CENPW: variants seen among roughly 807,000 people sequenced by gnomAD.
CENPW encodes the protein centromere protein W.
Under a neutral mutation model 11.1 loss-of-function variants are expected in CENPW, and 3 were observed. The observed-to-expected ratio is 0.27, with a 90% confidence interval of 0.12 to 0.70. The LOEUF is 0.70. CENPW is among the 30% of genes least tolerant of loss of function. The pLI, the probability that CENPW is intolerant of heterozygous loss-of-function variation, is 0.77. For missense variants in CENPW, 100 were observed against 105.6 expected (o/e 0.95, Z 0.23); for synonymous variants, 38 against 42.0 (o/e 0.91, Z 0.37).
chr6:126,351,936 G>A (rs1161692440), downstream of CENPW, among the ~76,000 whole-genome samples: 2 of 151,978 alleles, frequency 1.3e-5, no homozygotes, highest in African/African-American at 4.8e-5. Flanking sequence ...TACTCCCTAG[G>A]TCAGTGGTTT....
chr6:126,360,163 A>C, the CENPW span, among the ~76,000 whole-genome samples: 2 of 152,208 alleles, frequency 1.3e-5, no homozygotes, highest in African/African-American at 4.8e-5. Context: ...GAAGGATTTT[A>C]TTTTTCCTTT....
intron 2 of CENPW, among the ~76,000 whole-genome samples, chr6:126,347,695 T>G (rs1324618885): frequency 6.6e-6 from 1 of 152,084 alleles, no homozygotes; most frequent in East Asian, 1.9e-4. Flanking sequence ...AAAGTCAATG[T>G]AAATATTTTT....
chr6:126,439,134 G>T, the CENPW span, among the ~76,000 whole-genome samples: 1 of 151,616 alleles, frequency 6.6e-6, no homozygotes, highest in Non-Finnish European at 1.5e-5. Context: ...ATCTGATACT[G>T]GCAGTTTTCC....
At chr6:126,391,914 A>G in the CENPW span, among the ~76,000 whole-genome samples, 1 of 151,932 alleles carries the variant, frequency 6.6e-6, no homozygotes, top group African/African-American at 2.4e-5. Context: ...TGATTCCTCC[A>G]GTTTTGTTCT....
chr6:126,348,112 A>G (rs1193624962), intron 2 of CENPW, among the ~76,000 whole-genome samples: 1 of 151,966 alleles, frequency 6.6e-6, no homozygotes, highest in Non-Finnish European at 1.5e-5. Context: ...GGTATTGTTT[A>G]ACTCCTAATT....
At chr6:126,452,786 A>G in the CENPW span, among the ~76,000 whole-genome samples, 1 of 151,100 alleles carries the variant, frequency 6.6e-6, no homozygotes, top group Non-Finnish European at 1.5e-5. Flanking sequence ...AATTTAGGCA[A>G]CCTCAAGCAT....
At chr6:126,344,090 A>G (rs760633618) in intron 1 of CENPW, among the ~76,000 whole-genome samples, 1 of 152,246 alleles carries the variant, frequency 6.6e-6, no homozygotes, top group African/African-American at 2.4e-5. Flanking sequence ...AATAATTATT[A>G]GCTGCCTACT....
chr6:126,347,661 A>T (rs1212519290), intron 2 of CENPW, among the ~76,000 whole-genome samples: 1 of 152,074 alleles, frequency 6.6e-6, no homozygotes, highest in Non-Finnish European at 1.5e-5. Flanking sequence ...AATTATAAAC[A>T]TTCCAACAAA....
At chr6:126,415,854 A>T in the CENPW span, among the ~76,000 whole-genome samples, 2 of 152,220 alleles carry the variant, frequency 1.3e-5, no homozygotes, top group East Asian at 3.8e-4. Flanking sequence ...GAAACTGCCC[A>T]GTCCCAGTTA....
the CENPW span, among the ~76,000 whole-genome samples, chr6:126,396,317 TCCA>T: frequency 1.3e-5 from 2 of 152,018 alleles, no homozygotes; most frequent in African/African-American, 4.8e-5. Flanking sequence ...TGAGCCACTC[TCCA>T]CCACCACCAC....
chr6:126,435,700 A>C, the CENPW span, among the ~76,000 whole-genome samples: 4 of 151,898 alleles, frequency 2.6e-5, no homozygotes. Flanking sequence ...CTGCTTAAAA[A>C]TATTAAATGA....
the CENPW span, among the ~76,000 whole-genome samples, chr6:126,421,464 C>T: frequency 1.3e-5 from 2 of 152,006 alleles, no homozygotes; most frequent in African/African-American, 2.4e-5. Flanking sequence ...ACTCTGATTA[C>T]CGCTTTTATT....
chr6:126,428,010 C>T, the CENPW span, among the ~76,000 whole-genome samples: 5 of 152,214 alleles, frequency 3.3e-5, no homozygotes, highest in African/African-American at 4.8e-5. Context: ...CCTCTCCTAA[C>T]GAAATTACCA....
chr6:126,429,030 C>T, the CENPW span, among the ~76,000 whole-genome samples: 6 of 152,172 alleles, frequency 3.9e-5, no homozygotes, highest in African/African-American at 1.4e-4. Flanking sequence ...ATGTTGAATA[C>T]ATGTTTCATT....
chr6:126,471,019 C>T, the CENPW span, among the ~76,000 whole-genome samples: 1 of 152,086 alleles, frequency 6.6e-6, no homozygotes, highest in African/African-American at 2.4e-5. Flanking sequence ...TGGGTTAATG[C>T]TGGAATGAGT....
the CENPW span, among the ~76,000 whole-genome samples, chr6:126,417,451 G>A: frequency 6.6e-6 from 1 of 152,126 alleles, no homozygotes; most frequent in Non-Finnish European, 1.5e-5. Flanking sequence ...GATTTGGGAG[G>A]GGCCAGGGGA....
chr6:126,369,438 A>T, the CENPW span, among the ~76,000 whole-genome samples: 1 of 152,170 alleles, frequency 6.6e-6, no homozygotes, highest in Non-Finnish European at 1.5e-5. Flanking sequence ...CCTTGCCAAC[A>T]TACATTTTTT....
At chr6:126,457,702 T>G in the CENPW span, among the ~76,000 whole-genome samples, 2 of 151,260 alleles carry the variant, frequency 1.3e-5, no homozygotes, top group Non-Finnish European at 3.0e-5. Flanking sequence ...TGAAATTAAC[T>G]GGTATTATCA....
chr6:126,430,468 A>G, the CENPW span, among the ~76,000 whole-genome samples: 1 of 152,194 alleles, frequency 6.6e-6, no homozygotes, highest in South Asian at 2.1e-4. Context: ...TACACTTTTC[A>G]TTGTCTGTAT....
Sources: gnomAD v4.1 joint callset for allele counts (sites outside exome capture counted in the v4.1 genomes callset) on GRCh38, gnomAD v4.1.1 for gene constraint, MANE v1.5 for transcripts, NCBI Gene and HGNC (gene_info 2026-07-23, HGNC 2026-07-21) for gene names.